The following ZBTB8OS variants were observed in gnomAD, a reference collection of about 807,000 sequenced individuals.
The protein encoded by ZBTB8OS is tRNA splicing ligase complex subunit 1.
ZBTB8OS carries 16 observed loss-of-function variants against 29.3 expected under a neutral mutation model. The ratio of observed to expected loss-of-function variants is 0.55; its 90% CI spans 0.37 to 0.83. ZBTB8OS has a LOEUF of 0.83. ZBTB8OS is among the 40% of genes least tolerant of loss of function. ZBTB8OS has a pLI of 0.00. For synonymous variants in ZBTB8OS, 70 were observed against 64.6 expected, an observed-to-expected ratio of 1.08 and a Z score of -0.40; for missense variants, 160 against 196.9, an observed-to-expected ratio of 0.81 and a Z score of 1.12.
chr1:32,647,041 C>CAAA (rs71006347), intron 1 of ZBTB8OS, among the ~76,000 whole-genome samples: 4,131 of 39,326 alleles, frequency 0.11, 1,521 homozygotes, highest in Non-Finnish European at 0.13. Flanking sequence ...GATACTGTCT[C>CAAA]AAAAAAAAAA....
At chr1:32,622,559 G>A (rs902688135) in intron 6 of ZBTB8OS, among the ~76,000 whole-genome samples, 71 of 152,116 alleles carry the variant, frequency 4.7e-4, no homozygotes, top group Admixed American at 3.9e-3. Flanking sequence ...ACAAGACACC[G>A]GGTCTATTTG....
In ZBTB8OS at chr1:32,622,207, T is replaced by C. The variant is rs141972173; in HGVS notation, c.418-259A>G. On this transcript the variant is annotated intron_variant, in intron 6 of 6. Transcript: ENST00000468695. Reference sequence around the variant, plus strand: ...TCCACCTGGGTGTATAGAAATTGTCTGGCCTGTCTGGACATCAGTTTTTCA... The same window carrying C: ...TCCACCTGGGTGTATAGAAATTGTCCGGCCTGTCTGGACATCAGTTTTTCA... Among the ~76,000 whole-genome samples, 35 of 152,314 alleles carry C rather than the reference T, an allele frequency of 2.3e-4. 1 individual carries two copies. The East Asian group carries it at 6.5e-3, about 28-fold the overall frequency.
chr1:32,621,965 A>T lies in ZBTB8OS; in HGVS notation c.418-17T>A. On this transcript the variant is annotated splice_polypyrimidine_tract_variant and intron_variant, in intron 6 of 6. Transcript: ENST00000468695. ...TTCTGTTCCCTAAAGTTGGGGTTAG[A>T]GAAAAAAAAAAAAAAAAGGAAAATA... 8.7e-6 allele frequency: 12 copies of T among 1,383,670 alleles called. No homozygotes were observed. Among genetic ancestry groups the T allele is most frequent in the East Asian group, 2.4e-5 (1 of 42,434 alleles). The allele number at this position is 1,383,670 out of a possible 1,614,324, so 85.7% of individuals were successfully genotyped here.
chr1:32,623,602 C>T (rs757079782), intron 6 of ZBTB8OS, among the ~76,000 whole-genome samples: 7 of 152,232 alleles, frequency 4.6e-5, no homozygotes, highest in African/African-American at 1.2e-4. Context: ...AACTCCCATA[C>T]GTGAGTACTT....
At chr1:32,645,028 A>G (rs2148461769) in intron 1 of ZBTB8OS, among the ~76,000 whole-genome samples, 1 of 152,008 alleles carries the variant, frequency 6.6e-6, no homozygotes, top group South Asian at 2.1e-4. Flanking sequence ...AAAATACAAA[A>G]ATTAGCTGGG....
At chr1:32,648,200 G>A (rs539129655) in intron 1 of ZBTB8OS, among the ~76,000 whole-genome samples, 1 of 152,270 alleles carries the variant, frequency 6.6e-6, no homozygotes, top group African/African-American at 2.4e-5. Flanking sequence ...AGATAAAAAA[G>A]TATGGTAACA....
Position 32,621,602 on chromosome 1 carries a change from T to C in ZBTB8OS, c.*260A>G, listed in dbSNP as rs1570407812. On this transcript the variant is annotated 3_prime_UTR_variant, in exon 7 of 7. Coordinates refer to ENST00000468695, the MANE Select transcript of ZBTB8OS (RefSeq NM_178547.5). ...CTGGAAGGGCATGAGGCACACCTAC[T>C]GCCACAGCAGAGAATCAAAGGACCA... is the stretch of plus-strand genomic sequence containing the variant. 3 of 410,916 alleles carry C rather than the reference T, an allele frequency of 7.3e-6. No homozygotes were observed. The highest frequency in any genetic ancestry group is 1.3e-5 in the Non-Finnish European group (3 of 232,086). 25.5% of individuals were successfully genotyped at this position (410,916 alleles called of 1,614,324 possible).
Position 32,641,677 on chromosome 1 carries a change from G to T in ZBTB8OS, c.98-6885C>A, listed in dbSNP as rs532782110. 3.4e-3 allele frequency among the ~76,000 whole-genome samples: 513 copies of T among 150,176 alleles called. 4 individuals carry two copies. The highest frequency in any genetic ancestry group is 0.011 in the African/African-American group (467 of 41,136). On this transcript the variant is annotated intron_variant, in intron 1 of 6. Transcript: ENST00000468695. ...ACCTGTAATCCCAGCACTTTGGGAG[G>T]CCGAGGCGGGCGGATCACGAGATCA...
intron 5 of ZBTB8OS, among the ~76,000 whole-genome samples, chr1:32,629,236 C>T (rs12028215): frequency 0.11 from 16,130 of 151,404 alleles, 1,556 homozygotes; most frequent in African/African-American, 0.25. Flanking sequence ...TGTAGCGAGA[C>T]CCTGTCTCTA....
At chr1:32,648,963 C>CT (rs34143853) in intron 1 of ZBTB8OS, among the ~76,000 whole-genome samples, 1,347 of 58,680 alleles carry the variant, frequency 0.023, 63 homozygotes, top group African/African-American at 0.06. Flanking sequence ...AGCACCAGGC[C>CT]TTTTTTTTTT....
At chr1:32,650,367 C>G in intron 1 of ZBTB8OS, 66 bp downstream of exon 1, 1 of 1,597,408 alleles carries the variant, frequency 6.3e-7, no homozygotes, top group Non-Finnish European at 8.5e-7. Context: ...CAGCAGGAAG[C>G]CGCGGGTAAG....
intron 5 of ZBTB8OS, among the ~76,000 whole-genome samples, chr1:32,628,511 C>T (rs1402059469): frequency 6.6e-6 from 1 of 151,186 alleles, no homozygotes; most frequent in Non-Finnish European, 1.5e-5. Context: ...GTGGTAGGCA[C>T]CTGTAATCCG....
At chr1:32,640,762 G>A (rs529581494) in intron 1 of ZBTB8OS, among the ~76,000 whole-genome samples, 1 of 151,960 alleles carries the variant, frequency 6.6e-6, no homozygotes, top group South Asian at 2.1e-4. Flanking sequence ...GTCCCCCTTG[G>A]CCTCCCAAAG....
intron 1 of ZBTB8OS, among the ~76,000 whole-genome samples, chr1:32,644,146 C>T (rs1248354147): frequency 1.3e-5 from 2 of 152,124 alleles, no homozygotes; most frequent in Admixed American, 6.6e-5. Context: ...GTAAACAGTT[C>T]CAGGTGCAGG....
chr1:32,641,852 C>T (rs1278562577), intron 1 of ZBTB8OS, among the ~76,000 whole-genome samples: 2 of 152,010 alleles, frequency 1.3e-5, no homozygotes, highest in East Asian at 2.0e-4. Flanking sequence ...ACCCGGGAGA[C>T]GGAGGTTGCA....
Position 32,621,924 on chromosome 1 carries a change from A to G in ZBTB8OS, c.442T>C (p.Tyr148His). 1 of 1,584,376 alleles carries G rather than the reference A, an allele frequency of 6.3e-7. No homozygotes were observed. Among genetic ancestry groups the G allele is most frequent in the Non-Finnish European group, 8.5e-7 (1 of 1,171,712 alleles). Residue 148 changes from tyrosine to histidine, a missense_variant, in exon 7 of 7, where the codon TAT (tyrosine) becomes CAT (histidine). Transcript: ENST00000468695. The part of the protein sequence containing the change: ...PQGTEVKAIT[Y>H]SAMQVYNEEN... Reference sequence around the variant, plus strand: ...TCATTATAGACCTGCATTGCTGAATATGTTATTGCTTTGACTTCTGTTCCC... The same window carrying G: ...TCATTATAGACCTGCATTGCTGAATGTGTTATTGCTTTGACTTCTGTTCCC...
intron 5 of ZBTB8OS, among the ~76,000 whole-genome samples, chr1:32,630,957 G>A (rs1004859820): frequency 2.0e-5 from 3 of 151,900 alleles, no homozygotes; most frequent in Non-Finnish European, 2.9e-5. Flanking sequence ...AGGTTGCAGT[G>A]AGCTGAGATC....
intron 3 of ZBTB8OS, 83 bp from the exon 4 acceptor site, chr1:32,633,810 T>C: frequency 6.9e-7 from 1 of 1,459,052 alleles, no homozygotes; most frequent in South Asian, 1.3e-5. Flanking sequence ...ATAAATGTCT[T>C]AGGTCAGTTT....
At chr1:32,624,025 C>G (rs1288130113) in intron 6 of ZBTB8OS, among the ~76,000 whole-genome samples, 1 of 152,120 alleles carries the variant, frequency 6.6e-6, no homozygotes, top group East Asian at 1.9e-4. Flanking sequence ...GGGCTTCCCC[C>G]TTCGCTCAGC....
Sources: allele counts gnomAD v4.1 joint callset (sites outside exome capture counted in the v4.1 genomes callset), GRCh38; gene constraint gnomAD v4.1.1; transcripts MANE v1.5; gene names NCBI Gene and HGNC (gene_info 2026-07-23, HGNC 2026-07-21).